Variants in FCMR observed in about 807,000 individuals in gnomAD.
The protein encoded by FCMR is Fc mu receptor, also known as immunoglobulin mu Fc receptor.
FCMR carries 34 observed loss-of-function variants against 41.6 expected under a neutral mutation model. The observed-to-expected ratio is 0.82, with a 90% CI of 0.62 to 1.09. The LOEUF is 1.09. Among genes scored for constraint, FCMR ranks in the 50% least tolerant of loss-of-function variants. The pLI is 0.00. For missense variants in FCMR, 496 were observed against 512.5 expected, an observed-to-expected ratio of 0.97 and a Z score of 0.31; for synonymous variants, 209 against 211.8, an observed-to-expected ratio of 0.99 and a Z score of 0.12.
intron 7 of FCMR, chr1:206,907,721 G>A: frequency 1.1e-6 from 1 of 935,796 alleles, no homozygotes; most frequent in Admixed American, 1.7e-5. Context: ...GAAGGTGGTT[G>A]TCGTACGCTG....
At chr1:206,921,717 C>A in intron 1 of FCMR, 101 bp downstream of exon 1, 1 of 1,152,332 alleles carries the variant, frequency 8.7e-7, no homozygotes, top group Non-Finnish European at 1.3e-6. Flanking sequence ...ACAACTGAAT[C>A]CATCCAGAAA....
intron 7 of FCMR, chr1:206,907,996 G>C: frequency 6.9e-7 from 1 of 1,447,848 alleles, no homozygotes; most frequent in South Asian, 1.1e-5. Flanking sequence ...CCTCAAGGTC[G>C]TGCGTCTGAA....
At position 206,904,655 on chromosome 1, in the gene FCMR, A is replaced by C. The variant is rs950129275; in HGVS notation, c.*364T>G. 4 of 268,182 alleles carry C rather than the reference A, an allele frequency of 1.5e-5. No homozygotes were observed. Among genetic ancestry groups the C allele is most frequent in the African/African-American group, 8.7e-5 (4 of 45,816 alleles). 16.6% of individuals were successfully genotyped at this position (268,182 alleles called of 1,614,324 possible). On this transcript the variant is annotated 3_prime_UTR_variant, in exon 8 of 8. Transcript: ENST00000367091. ...GAGACAATAGCTATGCCTCTGCCCC[A>C]GCCTGATGCCATGTGATCTAGAGCC...
At chr1:206,907,110 GGGGT>G (rs1678694365) in intron 7 of FCMR, among the ~76,000 whole-genome samples, 6 of 122,188 alleles carry the variant, frequency 4.9e-5, no homozygotes, top group African/African-American at 1.5e-4. Context: ...GGGTGGGGGG[GGGGT>G]GGGGGCGGGG....
chr1:206,920,369 C>A (rs536159788), intron 1 of FCMR, among the ~76,000 whole-genome samples: 1 of 150,846 alleles, frequency 6.6e-6, no homozygotes, highest in African/African-American at 2.5e-5. Flanking sequence ...GCAGGAGAAT[C>A]GCTTGAACCC....
chr1:206,917,696 G>T, intron 1 of FCMR: 1 of 403,614 alleles, frequency 2.5e-6, no homozygotes, highest in Admixed American at 3.0e-5. Context: ...GTGCAATCTT[G>T]GCTCACTGCA....
chr1:206,921,729 AT>A, intron 1 of FCMR, 88 bp downstream of exon 1: 1 of 1,270,522 alleles, frequency 7.9e-7, no homozygotes, highest in Non-Finnish European at 1.1e-6. Context: ...ATCCAGAAAC[AT>A]CAGAGCTAGA....
chr1:206,920,685 G>C (rs982928104), intron 1 of FCMR, among the ~76,000 whole-genome samples: 2 of 152,174 alleles, frequency 1.3e-5, no homozygotes, highest in Non-Finnish European at 2.9e-5. Context: ...AGGTTCTTGG[G>C]AGAGGTAATC....
chr1:206,921,970 C>T (rs547565099), upstream of FCMR: 11 of 906,840 alleles, frequency 1.2e-5, no homozygotes, highest in African/African-American at 3.3e-5. Flanking sequence ...CTAGCCCCCA[C>T]GAGGAACAAA....
Position 206,909,992 on chromosome 1 carries a change from G to A in FCMR, c.842-124C>T. On this transcript the variant is annotated intron_variant, in intron 5 of 7. Coordinates refer to ENST00000367091, the MANE Select transcript of FCMR (RefSeq NM_005449.5). This position sits in a 1 kb window ranked among gnomAD's most constrained non-coding sequence, Gnocchi z 5.0. ...TGTCTGACCTGGAGATGCTCCAAGC[G>A]TGGGGAATGTACGAGGCACGGCCTT... 2 of 1,202,416 alleles carry A rather than the reference G, an allele frequency of 1.7e-6. No homozygotes were observed. Among genetic ancestry groups the A allele is most frequent in the African/African-American group, 1.6e-5 (1 of 62,148 alleles). The allele number at this position is 1,202,416 out of a possible 1,614,324, so 74.5% of individuals were successfully genotyped here.
At chr1:206,921,566 A>T (rs959839127) in intron 1 of FCMR, 4 of 564,450 alleles carry the variant, frequency 7.1e-6, no homozygotes, top group Non-Finnish European at 1.3e-5. Flanking sequence ...ACACCACTGC[A>T]CTCCAGCCTG....
In FCMR at chr1:206,913,006, T is replaced by G; in HGVS notation, c.410A>C (p.Glu137Ala). Residue 137 changes from glutamate (E) to alanine (A), a missense_variant, in exon 3 of 8, where the codon GAG becomes GCG. Coordinates refer to ENST00000367091, the MANE Select transcript of FCMR (RefSeq NM_005449.5). ...EPSWEEQPMPETPKWFHLPYL... is the reference protein window; with the variant it reads ...EPSWEEQPMPATPKWFHLPYL... ...GGGCAGATGAAACCATTTTGGAGTC[T>G]CAGGCATTGGCTGCTCTTCCCATGA... 6.2e-7 allele frequency: 1 copy of G among 1,613,858 alleles called. No individual in the cohort carries two copies. The highest frequency in any genetic ancestry group is 8.5e-7 in the Non-Finnish European group (1 of 1,179,712).
chr1:206,912,978 A>G lies in FCMR; in HGVS notation c.438T>C (p.Tyr146=). Residue 146 remains tyrosine, a synonymous_variant, in exon 3 of 8, where the codon TAT becomes TAC. Transcript: ENST00000367091. ...TGGCATATGCAGGCATCTGGAACAA[A>G]TAGGGCAGATGAAACCATTTTGGAG... ...PETPKWFHLP[Y]LFQMPAYASS... is the part of the protein sequence containing the mutation. 6.2e-7 allele frequency: 1 copy of G among 1,613,898 alleles called. No homozygotes were observed. Among genetic ancestry groups the G allele is most frequent in the Non-Finnish European group, 8.5e-7 (1 of 1,179,772 alleles).
At chr1:206,917,143 G>C (rs1466017491) in intron 1 of FCMR, among the ~76,000 whole-genome samples, 1 of 152,144 alleles carries the variant, frequency 6.6e-6, no homozygotes, top group Non-Finnish European at 1.5e-5. Context: ...ATTGGAAAAT[G>C]GGAAAAAATT....
rs1199509273 is a variant in FCMR at position 206,904,773 on chromosome 1, T to C, written c.*246A>G. The C allele has an allele frequency of 1.2e-5, 6 of 490,260 alleles. No homozygotes were observed. Among genetic ancestry groups the C allele is most frequent in the Non-Finnish European group, 1.5e-5 (4 of 267,762 alleles). The allele number at this position is 490,260 out of a possible 1,614,324, so 30.4% of individuals were successfully genotyped here. On this transcript the variant is annotated 3_prime_UTR_variant, in exon 8 of 8. Transcript: ENST00000367091. ...CGGCTTGGAAAGGAAGCAAGTGGCA[T>C]TGGGACAATTGCTCTACATGCCTAC...
Position 206,912,934 on chromosome 1 carries a change from G to A in FCMR, c.482C>T (p.Thr161Ile). ...PAYASSSKFVTRVTTPAQRGK... is the reference protein window; with the variant it reads ...PAYASSSKFVIRVTTPAQRGK... ...CCTTGCTATGGTGAACTGACCTCTGGTTACGAATTTGGAAGAACTGGCATA... is the reference window on the plus strand; with the variant it reads ...CCTTGCTATGGTGAACTGACCTCTGATTACGAATTTGGAAGAACTGGCATA... Residue 161 changes from threonine to isoleucine, a missense_variant, in exon 3 of 8, where the codon ACC becomes ATC. Coordinates refer to ENST00000367091, the MANE Select transcript of FCMR (RefSeq NM_005449.5). 6.2e-7 allele frequency: 1 copy of A among 1,609,740 alleles called. No homozygotes were observed. Among genetic ancestry groups the A allele is most frequent in the Non-Finnish European group, 8.5e-7 (1 of 1,176,036 alleles).
At chr1:206,919,909 C>T (rs755382753) in intron 1 of FCMR, among the ~76,000 whole-genome samples, 1 of 152,142 alleles carries the variant, frequency 6.6e-6, no homozygotes, top group Non-Finnish European at 1.5e-5. Context: ...AACTCCATTC[C>T]GTTGGACTTT....
chr1:206,913,358 A>C (rs1398766428), intron 2 of FCMR, among the ~76,000 whole-genome samples: 4 of 152,214 alleles, frequency 2.6e-5, no homozygotes, highest in Non-Finnish European at 4.4e-5. Context: ...ATCAGGTCAC[A>C]GAGTAATAAG....
At position 206,912,908 on chromosome 1, in the gene FCMR, C is replaced by T. The variant is rs745917338; in HGVS notation, c.487+21G>A. On this transcript the variant is annotated intron_variant, in intron 3 of 7. Transcript: ENST00000367091. ...CACAGCATCTCACCCACCTCTCCTA[C>T]CCTTGCTATGGTGAACTGACCTCTG... The T allele has an allele frequency of 6.6e-6, 10 of 1,509,380 alleles. No individual in the cohort carries two copies. The African/African-American group carries it at 1.2e-4, about 19-fold the overall frequency. 93.5% of individuals were successfully genotyped at this position (1,509,380 alleles called of 1,614,324 possible).
Sources: allele counts gnomAD v4.1 joint callset (sites outside exome capture counted in the v4.1 genomes callset), GRCh38; gene constraint gnomAD v4.1.1; non-coding constraint Gnocchi (gnomAD v3.1); transcripts MANE v1.5; gene names NCBI Gene and HGNC (gene_info 2026-07-23, HGNC 2026-07-21).